Variants in SLC6A11 observed in about 807,000 individuals in gnomAD.
SLC6A11 encodes the protein sodium- and chloride-dependent GABA transporter 3.
Under a neutral mutation model 74.8 loss-of-function variants are expected in SLC6A11, and 25 were observed. The observed-to-expected ratio is 0.33, with a 90% CI of 0.24 to 0.47. SLC6A11 has a LOEUF of 0.47. Among genes scored for constraint, SLC6A11 ranks in the 20% least tolerant of loss-of-function variants. SLC6A11 has a pLI of 1.00. For missense variants in SLC6A11, 574 were observed against 837.0 expected, an observed-to-expected ratio of 0.69 and a Z score of 3.88; for synonymous variants, 330 against 330.2, an observed-to-expected ratio of 1.00 and a Z score of 0.01.
intron 8 of SLC6A11, among the ~76,000 whole-genome samples, chr3:10,921,038 G>A (rs1022643826): frequency 2.1e-4 from 32 of 152,204 alleles, no homozygotes; most frequent in African/African-American, 6.5e-4. Flanking sequence ...AACACTCAGT[G>A]GGATGTCCCA....
Position 10,926,415 on chromosome 3 carries a change from T to C in SLC6A11, c.1233+299T>C, listed in dbSNP as rs1034101929. Among the ~76,000 whole-genome samples the C allele has an allele frequency of 6.6e-6, 1 of 152,106 alleles. No homozygotes were observed. Among genetic ancestry groups the C allele is most frequent in the African/African-American group, 2.4e-5 (1 of 41,398 alleles). On this transcript the variant is annotated intron_variant, in intron 9 of 13. Transcript: ENST00000254488. The surrounding 1 kb of genome is among the most constrained non-coding windows in gnomAD (Gnocchi z 5.7). ...ACTCTCAATTCACATTTAGAAAAAT[T>C]TGCTAAATACTTCCCTTCTGCTCAA...
At chr3:10,925,597 TA>T (rs1187609958) in intron 8 of SLC6A11, among the ~76,000 whole-genome samples, 1 of 152,190 alleles carries the variant, frequency 6.6e-6, no homozygotes, top group Non-Finnish European at 1.5e-5. Flanking sequence ...CCGACCTACG[TA>T]CACCACAACC....
At chr3:10,919,297 T>A (rs1057178925) in intron 8 of SLC6A11, among the ~76,000 whole-genome samples, 1 of 152,192 alleles carries the variant, frequency 6.6e-6, no homozygotes, top group Non-Finnish European at 1.5e-5. Flanking sequence ...AGTACATAGT[T>A]TGTGTTTACA....
At position 10,819,701 on chromosome 3, in the gene SLC6A11, T is replaced by C. The variant is rs767962116; in HGVS notation, c.392-11T>C. On this transcript the variant is annotated splice_polypyrimidine_tract_variant and intron_variant, in intron 2 of 13. Transcript: ENST00000254488. The stretch of plus-strand genomic sequence containing the variant: ...TAGACTCAAATTCCTTCCTTTCTTT[T>C]GTCCTTTCAGGCATTGGCTATGCAA... 7.4e-6 allele frequency: 12 copies of C among 1,613,200 alleles called. No individual in the cohort carries two copies. In the African/African-American group the frequency reaches 1.6e-4, roughly 22 times the overall value.
intron 9 of SLC6A11, among the ~76,000 whole-genome samples, chr3:10,928,368 G>A (rs1346386699): frequency 1.3e-5 from 2 of 152,132 alleles, no homozygotes; most frequent in East Asian, 1.9e-4. Flanking sequence ...TGCTCAGGGC[G>A]CAGAGGAGAG....
intron 3 of SLC6A11, 37 bp from the exon 4 acceptor site, chr3:10,823,265 T>G: frequency 6.8e-7 from 1 of 1,473,092 alleles, no homozygotes; most frequent in Non-Finnish European, 9.5e-7. Flanking sequence ...TCATGGAGAT[T>G]AATTTTCTTC....
intron 5 of SLC6A11, among the ~76,000 whole-genome samples, chr3:10,872,168 C>T (rs571648943): frequency 1.3e-5 from 2 of 152,330 alleles, no homozygotes; most frequent in South Asian, 4.1e-4. Flanking sequence ...ACCCTGGAGT[C>T]AGGCAGGACT....
intron 5 of SLC6A11, among the ~76,000 whole-genome samples, chr3:10,849,790 A>G (rs1694548590): frequency 1.2e-5 from 1 of 81,778 alleles, no homozygotes; most frequent in African/African-American, 5.4e-5. Context: ...ATACTTGTTG[A>G]AGCCAAAAAA....
At chr3:10,924,543 A>G (rs1185031237) in intron 8 of SLC6A11, among the ~76,000 whole-genome samples, 2 of 152,220 alleles carry the variant, frequency 1.3e-5, no homozygotes, top group African/African-American at 4.8e-5. Flanking sequence ...CGCCATTAAG[A>G]AAATGGAAAG....
chr3:10,910,706 C>G (rs545877629), intron 6 of SLC6A11, among the ~76,000 whole-genome samples: 1 of 152,070 alleles, frequency 6.6e-6, no homozygotes, highest in African/African-American at 2.4e-5. Context: ...GGACTTGCAT[C>G]TGCCACTTTC....
At chr3:10,883,978 G>A (rs1695013014) in intron 6 of SLC6A11, among the ~76,000 whole-genome samples, 1 of 152,100 alleles carries the variant, frequency 6.6e-6, no homozygotes, top group South Asian at 2.1e-4. Context: ...ATCACACATG[G>A]CGCTTATCTT....
chr3:10,878,222 G>C (rs1030238079), intron 6 of SLC6A11, among the ~76,000 whole-genome samples: 2 of 152,044 alleles, frequency 1.3e-5, no homozygotes, highest in African/African-American at 4.8e-5. Flanking sequence ...TCCTGGCTGC[G>C]TCCCCTACTA....
At chr3:10,848,644 G>C (rs936243730) in intron 5 of SLC6A11, among the ~76,000 whole-genome samples, 1 of 152,202 alleles carries the variant, frequency 6.6e-6, no homozygotes, top group Non-Finnish European at 1.5e-5. Context: ...AGGTGCCGGG[G>C]ATACACCAGA....
At chr3:10,910,819 A>ATTTTT (rs67011478) in intron 6 of SLC6A11, among the ~76,000 whole-genome samples, 2 of 126,370 alleles carry the variant, frequency 1.6e-5, no homozygotes, top group African/African-American at 6.1e-5. Context: ...GTTGCTGTGA[A>ATTTTT]TTTTTTTTTT....
chr3:10,927,514 G>A (rs895536713), intron 9 of SLC6A11, among the ~76,000 whole-genome samples: 3 of 152,244 alleles, frequency 2.0e-5, no homozygotes, highest in African/African-American at 7.2e-5. Context: ...GAGGTTCAGA[G>A]ATACTGAGTG....
intron 4 of SLC6A11, among the ~76,000 whole-genome samples, chr3:10,841,719 C>T (rs111316272): frequency 2.6e-5 from 4 of 152,238 alleles, no homozygotes; most frequent in African/African-American, 9.6e-5. Context: ...GGGCCTGTCC[C>T]GCTTTCTCCC....
intron 10 of SLC6A11, among the ~76,000 whole-genome samples, chr3:10,931,342 G>A (rs573883232): frequency 6.6e-6 from 1 of 151,998 alleles, no homozygotes; most frequent in East Asian, 1.9e-4. Flanking sequence ...CTGCATTAAG[G>A]TTTCTTTGTT....
chr3:10,828,379 C>G (rs1309823612), intron 4 of SLC6A11, among the ~76,000 whole-genome samples: 2 of 152,166 alleles, frequency 1.3e-5, no homozygotes, highest in Non-Finnish European at 2.9e-5. Flanking sequence ...TCTGGTTTAT[C>G]TTCACTGGAG....
At position 10,872,320 on chromosome 3, in the gene SLC6A11, T is replaced by C. The variant is rs73037915; in HGVS notation, c.757-2641T>C. On this transcript the variant is annotated intron_variant, in intron 5 of 13. Coordinates refer to ENST00000254488, the MANE Select transcript of SLC6A11 (RefSeq NM_014229.3). ...TTGTTGAATGTTTCATGTGTGGAAG[T>C]GCTAAGTAAATGCAGCCATTGTTAT... Among the ~76,000 whole-genome samples, 267 of 152,342 alleles carry C rather than the reference T, an allele frequency of 1.8e-3. 1 individual carries two copies. Among genetic ancestry groups the C allele is most frequent in the South Asian group, 4.3e-3 (21 of 4,830 alleles).
Sources: allele counts gnomAD v4.1 joint callset (sites outside exome capture counted in the v4.1 genomes callset), GRCh38; gene constraint gnomAD v4.1.1; non-coding constraint Gnocchi (gnomAD v3.1); transcripts MANE v1.5; gene names NCBI Gene and HGNC (gene_info 2026-07-23, HGNC 2026-07-21).